Variants in ZNF676 observed in about 807,000 individuals in gnomAD.
ZNF676 encodes the protein zinc finger protein 676.
A neutral mutation model predicts 6.0 loss-of-function variants in ZNF676; 4 were observed. The ratio of observed to expected loss-of-function variants is 0.67; its 90% CI spans 0.33 to 1.53. The LOEUF (loss-of-function observed/expected upper bound fraction) is 1.53. Ranked by LOEUF, ZNF676 falls within the 40% of genes most tolerant of loss-of-function variation. The probability of loss-of-function intolerance (pLI) is 0.06; values close to 1 mark genes in which losing one functional copy is unlikely to be tolerated. For missense variants in ZNF676, 644 were observed against 679.7 expected (o/e 0.95, Z 0.58); for synonymous variants, 198 against 223.1 (o/e 0.89, Z 1.00).
At chr19:22,233,666 T>A in the ZNF676 span, among the ~76,000 whole-genome samples, 2 of 152,268 alleles carry the variant, frequency 1.3e-5, no homozygotes, top group South Asian at 2.1e-4. Context: ...AACATTTACC[T>A]CTGGTCTCAG....
At position 22,180,811 on chromosome 19, in the gene ZNF676, A is replaced by G. The variant is rs368113658; in HGVS notation, c.906T>C (p.Ile302=). ...SSSKLMEHKR[I]HTGEKPYKCE... ...ACTTGTAGGGTTTCTCTCCAGTATG[A>G]ATTCTCTTATGTTCCATGAGCTTTG... The change falls in exon 3 of 3, where the codon ATT becomes ATC. Residue 302 remains isoleucine (I), a synonymous_variant. Coordinates refer to ENST00000397121, the MANE Select transcript of ZNF676 (RefSeq NM_001001411.3). 94 of 1,593,740 alleles carry G rather than the reference A, an allele frequency of 5.9e-5. No homozygotes were observed. The East Asian group carries it at 1.8e-3, about 30-fold the overall frequency.
chr19:22,183,634 C>A (rs975737643), intron 2 of ZNF676, among the ~76,000 whole-genome samples: 5 of 152,142 alleles, frequency 3.3e-5, no homozygotes, highest in Admixed American at 3.3e-4. Flanking sequence ...GCCGCCATGC[C>A]CAGGTTATTT....
chr19:22,215,753 G>C, exon 1 of ZNF676: 1 of 1,320,988 alleles, frequency 7.6e-7, no homozygotes, highest in South Asian at 1.4e-5. Context: ...ACCTCCGGCT[G>C]CAGCGAGAGA....
the ZNF676 span, among the ~76,000 whole-genome samples, chr19:22,253,508 A>G: frequency 7.0e-6 from 1 of 141,858 alleles, no homozygotes; most frequent in African/African-American, 2.5e-5. Context: ...TAATGTGTAT[A>G]TATATGTATA....
At chr19:22,259,393 A>G in the ZNF676 span, among the ~76,000 whole-genome samples, 1 of 152,288 alleles carries the variant, frequency 6.6e-6, no homozygotes, top group South Asian at 2.1e-4. Flanking sequence ...GGGTCAAGTG[A>G]TATGTCACAA....
upstream of ZNF676, among the ~76,000 whole-genome samples, chr19:22,201,914 G>A (rs2024029949): frequency 3.3e-5 from 5 of 152,106 alleles, no homozygotes; most frequent in Admixed American, 3.3e-4. Flanking sequence ...GCTACTTGTG[G>A]CAATAGTGAA....
intron 1 of ZNF676, among the ~76,000 whole-genome samples, chr19:22,212,656 G>C (rs2024141234): frequency 6.6e-6 from 1 of 151,930 alleles, no homozygotes; most frequent in African/African-American, 2.4e-5. Flanking sequence ...AGTGAGCCGA[G>C]ATTGCACCAC....
intron 2 of ZNF676, among the ~76,000 whole-genome samples, chr19:22,190,865 T>C (rs1377248026): frequency 6.6e-6 from 1 of 151,678 alleles, no homozygotes; most frequent in African/African-American, 2.4e-5. Context: ...TTGATAACAT[T>C]ATGCAAAATG....
chr19:22,242,360 A>G, the ZNF676 span, among the ~76,000 whole-genome samples: 1 of 151,882 alleles, frequency 6.6e-6, no homozygotes, highest in African/African-American at 2.4e-5. Context: ...GGCAAAACAA[A>G]TTCATCACCT....
chr19:22,217,972 G>A (rs1366864181), upstream of ZNF676, among the ~76,000 whole-genome samples: 1 of 152,126 alleles, frequency 6.6e-6, no homozygotes, highest in African/African-American at 2.4e-5. Context: ...CCAGAGTGCT[G>A]GGATTACAGG....
the ZNF676 span, among the ~76,000 whole-genome samples, chr19:22,245,649 G>A: frequency 6.6e-6 from 1 of 152,002 alleles, no homozygotes; most frequent in Non-Finnish European, 1.5e-5. Context: ...GCTAGGTTCG[G>A]TGATATATCA....
the ZNF676 span, among the ~76,000 whole-genome samples, chr19:22,232,489 C>A: frequency 6.6e-6 from 1 of 152,040 alleles, no homozygotes; most frequent in East Asian, 1.9e-4. Flanking sequence ...TTCAATACCC[C>A]ATTTTGTATA....
the ZNF676 span, among the ~76,000 whole-genome samples, chr19:22,227,853 G>A: frequency 1.3e-5 from 2 of 152,158 alleles, no homozygotes; most frequent in African/African-American, 2.4e-5. Context: ...TTTTGAAATT[G>A]AGGCAGTAAT....
the ZNF676 span, chr19:22,243,216 C>T: frequency 6.6e-6 from 1 of 151,872 alleles, no homozygotes; most frequent in East Asian, 1.9e-4. Context: ...TGGGCAGGGT[C>T]TAGGCAGGAG....
chr19:22,201,435 G>T (rs1223913021), upstream of ZNF676, among the ~76,000 whole-genome samples: 1 of 152,150 alleles, frequency 6.6e-6, no homozygotes, highest in Non-Finnish European at 1.5e-5. Context: ...GTCTGGCTTT[G>T]CCTTGTAAAT....
At chr19:22,183,625 C>G (rs2023792044) in intron 2 of ZNF676, among the ~76,000 whole-genome samples, 2 of 152,166 alleles carry the variant, frequency 1.3e-5, no homozygotes. Context: ...TAGGCACGAG[C>G]CGCCATGCCC....
chr19:22,193,150 A>G, intron 1 of ZNF676, 39 bp from the exon 2 acceptor site: 1 of 1,543,180 alleles, frequency 6.5e-7, no homozygotes, highest in Non-Finnish European at 8.7e-7. Context: ...TCTTGCTCAT[A>G]TTCTCCAATT....
intron 1 of ZNF676, among the ~76,000 whole-genome samples, chr19:22,211,210 C>T (rs1262062490): frequency 1.3e-5 from 2 of 151,886 alleles, no homozygotes; most frequent in South Asian, 4.2e-4. Flanking sequence ...CTATCTTAAC[C>T]TTAACTGCAT....
the ZNF676 span, among the ~76,000 whole-genome samples, chr19:22,226,491 A>G: frequency 6.6e-6 from 1 of 152,114 alleles, no homozygotes; most frequent in Non-Finnish European, 1.5e-5. Flanking sequence ...TTGTACTGAC[A>G]TCTTAAAAAA....
Sources: gnomAD v4.1 joint callset for allele counts (sites outside exome capture counted in the v4.1 genomes callset) on GRCh38, gnomAD v4.1.1 for gene constraint, MANE v1.5 for transcripts, NCBI Gene and HGNC (gene_info 2026-07-23, HGNC 2026-07-21) for gene names.